PTPN4: variants seen among roughly 807,000 people sequenced by gnomAD.
PTPN4 encodes tyrosine-protein phosphatase non-receptor type 4.
PTPN4 carries 49 observed loss-of-function variants against 135.5 expected under a neutral mutation model. The ratio of observed to expected loss-of-function variants is 0.36; its 90% confidence interval spans 0.29 to 0.46. The LOEUF (loss-of-function observed/expected upper bound fraction) is 0.46. PTPN4 is among the 20% of genes least tolerant of loss of function. The pLI is 1.00. For synonymous variants in PTPN4, 333 were observed against 369.9 expected, an observed-to-expected ratio of 0.90 and a Z score of 1.14; for missense variants, 860 against 1,101.0, an observed-to-expected ratio of 0.78 and a Z score of 3.10.
chr2:119,815,842 T>C (rs887626336), intron 2 of PTPN4, among the ~76,000 whole-genome samples: 3 of 152,214 alleles, frequency 2.0e-5, no homozygotes, highest in Admixed American at 6.5e-5. Context: ...GTAGATTTTA[T>C]TGTTTTTTGT....
intron 1 of PTPN4, among the ~76,000 whole-genome samples, chr2:119,773,359 G>A (rs190080351): frequency 6.6e-6 from 1 of 151,812 alleles, no homozygotes; most frequent in African/African-American, 2.4e-5. Flanking sequence ...TAAATATATC[G>A]GAAAAATTTT....
At chr2:119,863,432 A>G (rs190282143) in intron 3 of PTPN4, among the ~76,000 whole-genome samples, 39 of 152,226 alleles carry the variant, frequency 2.6e-4, no homozygotes, top group Admixed American at 1.7e-3. Flanking sequence ...TGAAGGGAAT[A>G]TTTTGTATAC....
chr2:119,912,383 T>C (rs1296517826), intron 10 of PTPN4, among the ~76,000 whole-genome samples: 1 of 152,208 alleles, frequency 6.6e-6, no homozygotes, highest in Non-Finnish European at 1.5e-5. Flanking sequence ...TAAGTACACA[T>C]GTATGTCACA....
intron 2 of PTPN4, among the ~76,000 whole-genome samples, chr2:119,830,719 TG>T (rs1677207089): frequency 6.6e-6 from 1 of 152,140 alleles, no homozygotes; most frequent in Non-Finnish European, 1.5e-5. Flanking sequence ...CCACCTGCGT[TG>T]GCCTCCCAAA....
At chr2:119,804,981 T>C (rs1176750165) in intron 1 of PTPN4, among the ~76,000 whole-genome samples, 2 of 152,114 alleles carry the variant, frequency 1.3e-5, no homozygotes, top group East Asian at 3.9e-4. Flanking sequence ...CTAACTGGCA[T>C]GAGATGGTAT....
chr2:119,962,805 G>A, intron 24 of PTPN4, 61 bp downstream of exon 24: 1 of 1,292,866 alleles, frequency 7.7e-7, no homozygotes, highest in Non-Finnish European at 1.0e-6. Context: ...ACTGAAAGCT[G>A]AAAATGTTTT....
intron 2 of PTPN4, among the ~76,000 whole-genome samples, chr2:119,813,601 T>C (rs1676935776): frequency 6.6e-6 from 1 of 152,146 alleles, no homozygotes; most frequent in African/African-American, 2.4e-5. Flanking sequence ...ACACTGTAGC[T>C]ATATTGCCTT....
chr2:119,853,495 A>T (rs548260021), intron 2 of PTPN4, among the ~76,000 whole-genome samples: 2 of 152,120 alleles, frequency 1.3e-5, no homozygotes, highest in South Asian at 2.1e-4. Context: ...TACATTAAAA[A>T]TTTTTTATGC....
At chr2:119,894,774 G>T (rs1363468334) in intron 9 of PTPN4, among the ~76,000 whole-genome samples, 4 of 152,106 alleles carry the variant, frequency 2.6e-5, no homozygotes, top group Non-Finnish European at 5.9e-5. Flanking sequence ...GCATACAGAT[G>T]TAATAAACAT....
At chr2:119,782,133 T>C (rs1374936607) in intron 1 of PTPN4, among the ~76,000 whole-genome samples, 6 of 152,154 alleles carry the variant, frequency 3.9e-5, no homozygotes, top group Non-Finnish European at 8.8e-5. Context: ...TAAAAAATTC[T>C]TGGCTGGGCG....
chr2:119,882,689 A>C, intron 8 of PTPN4, 66 bp downstream of exon 8: 1 of 1,271,064 alleles, frequency 7.9e-7, no homozygotes, highest in Non-Finnish European at 1.1e-6. Context: ...GAAATGTTTG[A>C]AATTCTAATA....
chr2:119,826,223 A>G (rs1464012301), intron 2 of PTPN4, among the ~76,000 whole-genome samples: 4 of 152,172 alleles, frequency 2.6e-5, no homozygotes, highest in African/African-American at 7.2e-5. Flanking sequence ...ACATTTTCCT[A>G]TTTGTTCATT....
chr2:119,761,717 A>G (rs1690505258), intron 1 of PTPN4, among the ~76,000 whole-genome samples: 1 of 152,234 alleles, frequency 6.6e-6, no homozygotes, highest in South Asian at 2.1e-4. Flanking sequence ...TCAGTGATTT[A>G]TAAGAGAAAC....
intron 1 of PTPN4, among the ~76,000 whole-genome samples, chr2:119,809,498 A>G (rs551348866): frequency 2.0e-5 from 3 of 152,158 alleles, no homozygotes; most frequent in African/African-American, 7.2e-5. Context: ...TCAATGAGTA[A>G]TATCCAACTT....
chr2:119,935,009 G>T, intron 15 of PTPN4, 51 bp downstream of exon 15: 1 of 1,518,956 alleles, frequency 6.6e-7, no homozygotes, highest in Non-Finnish European at 9.0e-7. Flanking sequence ...GCCCCAAATT[G>T]CTTTACTTAA....
chr2:119,932,497 A>G lies in PTPN4; in HGVS notation c.1144A>G (p.Arg382Gly), dbSNP rs750197106. 1.2e-6 allele frequency: 2 copies of G among 1,612,332 alleles called. No individual in the cohort carries two copies. The highest frequency in any genetic ancestry group is 1.1e-5 in the South Asian group (1 of 90,926). Residue 382 changes from arginine (R) to glycine (G), a missense_variant, in exon 14 of 27, where the codon AGG (arginine) becomes GGG (glycine). Around this residue, in one of 2 missense-constraint regions of PTPN4, gnomAD observed 684 missense variants for 807.0 expected, o/e 0.85. Coordinates refer to ENST00000263708, the MANE Select transcript of PTPN4 (RefSeq NM_002830.4). Reference protein sequence around the residue: ...VVSRNSISDDRLETQSLPSRS... With the variant: ...VVSRNSISDDGLETQSLPSRS... ...AAGCAGAAATTCAATATCTGATGACAGGTTAGAAACACAAAGTCTTCCATC... is the reference window on the plus strand; with the variant it reads ...AAGCAGAAATTCAATATCTGATGACGGGTTAGAAACACAAAGTCTTCCATC...
intron 9 of PTPN4, among the ~76,000 whole-genome samples, chr2:119,897,189 T>C (rs1678337392): frequency 6.6e-6 from 1 of 152,088 alleles, no homozygotes; most frequent in South Asian, 2.1e-4. Context: ...TGCCTCAGCT[T>C]CCCAAAGTGC....
chr2:119,807,814 C>CA (rs764253127), intron 1 of PTPN4, among the ~76,000 whole-genome samples: 17 of 152,174 alleles, frequency 1.1e-4, no homozygotes, highest in Non-Finnish European at 1.2e-4. Context: ...AACATCGATG[C>CA]AAAAATCCTC....
chr2:119,892,714 T>G (rs1558756693), intron 9 of PTPN4, among the ~76,000 whole-genome samples: 1 of 151,848 alleles, frequency 6.6e-6, no homozygotes, highest in African/African-American at 2.4e-5. Flanking sequence ...ACTTTTTTTT[T>G]TTTTCCTTCT....
Sources: allele counts gnomAD v4.1 joint callset (sites outside exome capture counted in the v4.1 genomes callset), GRCh38; gene constraint gnomAD v4.1.1; regional missense constraint gnomAD v4.1.1; transcripts MANE v1.5; gene names NCBI Gene and HGNC (gene_info 2026-07-23, HGNC 2026-07-21).